The following BLNK variants were observed in gnomAD, a reference collection of about 807,000 sequenced individuals.
The protein encoded by BLNK is B-cell linker protein.
BLNK carries 29 observed loss-of-function variants against 73.5 expected under a neutral mutation model. The observed-to-expected ratio is 0.39, with a 90% CI of 0.29 to 0.54. The LOEUF (loss-of-function observed/expected upper bound fraction) is 0.54. Among genes scored for constraint, BLNK ranks in the 20% least tolerant of loss-of-function variants. The pLI is 0.61. For missense variants in BLNK, 460 were observed against 562.8 expected (o/e 0.82, Z 1.85); for synonymous variants, 176 against 200.8 (o/e 0.88, Z 1.04).
intron 3 of BLNK, 148 bp downstream of exon 3, chr10:96,242,587 G>A (rs1348288954): frequency 1.2e-6 from 1 of 815,742 alleles, no homozygotes; most frequent in Non-Finnish European, 2.0e-6. Flanking sequence ...TAGTCAAAAT[G>A]CCTAATAGAT....
intron 2 of BLNK, among the ~76,000 whole-genome samples, chr10:96,243,097 A>G (rs1237194122): frequency 4.6e-5 from 7 of 152,214 alleles, no homozygotes; most frequent in African/African-American, 1.7e-4. Flanking sequence ...TTCAAGGAAG[A>G]TAAATGTTGA....
intron 6 of BLNK, among the ~76,000 whole-genome samples, chr10:96,223,431 T>TA (rs2084246774): frequency 6.6e-6 from 1 of 152,124 alleles, no homozygotes. Flanking sequence ...CCTTCTGCCT[T>TA]ACGCCCAGGA....
rs782306068 is a variant in BLNK, at chr10:96,190,903, CT to C, written c.*1069del. ...TGTGGGATATTTCTCTAGGAACTGGCTTTTAGTCTAGCTTTGCTGTCATTCC... is the reference window on the plus strand; with the variant it reads ...TGTGGGATATTTCTCTAGGAACTGGCTTTAGTCTAGCTTTGCTGTCATTCC... On this transcript the variant is annotated 3_prime_UTR_variant, in exon 17 of 17. Coordinates refer to ENST00000224337, the MANE Select transcript of BLNK (RefSeq NM_013314.4). 3.9e-5 allele frequency among the ~76,000 whole-genome samples: 6 copies of C among 152,178 alleles called. No individual in the cohort carries two copies. The highest frequency in any genetic ancestry group is 7.3e-5 in the Non-Finnish European group (5 of 68,030).
chr10:96,268,706 T>TGGATGACTCTGCTTCCCCTCTCCTC (rs1329522900), intron 1 of BLNK, among the ~76,000 whole-genome samples: 1 of 152,174 alleles, frequency 6.6e-6, no homozygotes. Flanking sequence ...CTCCTTTCCT[T>TGGATGACTCTGCTTCCCCTCTCCTC]GGATGACTCT....
At chr10:96,248,738 T>A (rs1241028154) in intron 1 of BLNK, among the ~76,000 whole-genome samples, 1 of 152,118 alleles carries the variant, frequency 6.6e-6, no homozygotes, top group Non-Finnish European at 1.5e-5. Flanking sequence ...TCATTAATCA[T>A]TAAAAGGGAA....
At chr10:96,195,169 T>C (rs1238386213) in intron 16 of BLNK, among the ~76,000 whole-genome samples, 1 of 152,184 alleles carries the variant, frequency 6.6e-6, no homozygotes, top group East Asian at 1.9e-4. Flanking sequence ...TAACAAGTGC[T>C]GGTGGGGATG....
intron 13 of BLNK, among the ~76,000 whole-genome samples, chr10:96,201,735 T>G (rs1554896211): frequency 9.7e-6 from 1 of 103,302 alleles, no homozygotes. Context: ...AAAAGACTTA[T>G]CTGCATTCAT....
chr10:96,256,985 T>C (rs1843545744), intron 1 of BLNK, among the ~76,000 whole-genome samples: 1 of 152,056 alleles, frequency 6.6e-6, no homozygotes, highest in Non-Finnish European at 1.5e-5. Context: ...TTTAACCCTT[T>C]CTCTCTCTCT....
At chr10:96,227,644 G>A (rs907618411) in intron 4 of BLNK, 78 bp from the exon 5 acceptor site, 215 of 1,602,940 alleles carry the variant, frequency 1.3e-4, no homozygotes, top group Non-Finnish European at 1.7e-4. Context: ...CCTGCCTTGG[G>A]AGGCCAGAGC....
intron 5 of BLNK, among the ~76,000 whole-genome samples, chr10:96,226,695 G>C (rs1258122712): frequency 6.6e-6 from 1 of 152,080 alleles, no homozygotes; most frequent in East Asian, 1.9e-4. Flanking sequence ...ACAAAAGTTA[G>C]CCAGGCGTGG....
At chr10:96,267,540 A>T (rs1844062426) in intron 1 of BLNK, among the ~76,000 whole-genome samples, 1 of 152,244 alleles carries the variant, frequency 6.6e-6, no homozygotes, top group African/African-American at 2.4e-5. Flanking sequence ...GAAAACTCCA[A>T]ACCCTGAGAA....
intron 6 of BLNK, among the ~76,000 whole-genome samples, chr10:96,217,674 TAA>T (rs111769742): frequency 0.041 from 6,186 of 152,314 alleles, 170 homozygotes; most frequent in African/African-American, 0.081. Context: ...TATTGAGTTA[TAA>T]GAGTTATCTA....
At chr10:96,230,090 G>T (rs1439808378) in intron 4 of BLNK, among the ~76,000 whole-genome samples, 1 of 152,198 alleles carries the variant, frequency 6.6e-6, no homozygotes, top group Non-Finnish European at 1.5e-5. Flanking sequence ...GGATGAATTT[G>T]ATATAAGTGA....
chr10:96,229,808 C>T (rs1216584047), intron 4 of BLNK, among the ~76,000 whole-genome samples: 3 of 151,920 alleles, frequency 2.0e-5, no homozygotes, highest in Non-Finnish European at 4.4e-5. Context: ...AAAGTCACCC[C>T]TTCCCCTCAT....
intron 4 of BLNK, among the ~76,000 whole-genome samples, chr10:96,230,054 C>T (rs1842436574): frequency 6.6e-6 from 1 of 152,142 alleles, no homozygotes; most frequent in Non-Finnish European, 1.5e-5. Flanking sequence ...ATCTAAAACT[C>T]ACAGGTTGGA....
chr10:96,191,806 T>G lies in BLNK; in HGVS notation c.*167A>C. 1.2e-6 allele frequency: 1 copy of G among 855,602 alleles called. No individual in the cohort carries two copies. Among genetic ancestry groups the G allele is most frequent in the Non-Finnish European group, 1.9e-6 (1 of 539,640 alleles). The allele number at this position is 855,602 out of a possible 1,614,324, so 53.0% of individuals were successfully genotyped here. On this transcript the variant is annotated 3_prime_UTR_variant, in exon 17 of 17. Transcript: ENST00000224337. ...GGTCAGGCAATAGAACAAGTCCACA[T>G]GAGCTTCTTAAAAAGAAATGGATGA...
chr10:96,232,327 G>A (rs1182720953), intron 3 of BLNK, among the ~76,000 whole-genome samples: 5 of 130,732 alleles, frequency 3.8e-5, no homozygotes, highest in African/African-American at 1.3e-4. Flanking sequence ...CCGCTGAGTA[G>A]CCACTGCCAC....
intron 1 of BLNK, among the ~76,000 whole-genome samples, chr10:96,247,461 A>T (rs1843093363): frequency 6.6e-6 from 1 of 152,230 alleles, no homozygotes; most frequent in Non-Finnish European, 1.5e-5. Flanking sequence ...TCCATTTAAA[A>T]GTTACTCCTA....
intron 8 of BLNK, chr10:96,210,147 T>C (rs1373387796): frequency 5.4e-6 from 3 of 554,942 alleles, no homozygotes. Context: ...GGACTCCACC[T>C]TAACATTTCT....
Sources: allele counts gnomAD v4.1 joint callset (sites outside exome capture counted in the v4.1 genomes callset), GRCh38; gene constraint gnomAD v4.1.1; transcripts MANE v1.5; gene names NCBI Gene and HGNC (gene_info 2026-07-23, HGNC 2026-07-21).